PSG7: variants seen among roughly 807,000 people sequenced by gnomAD.
The protein encoded by PSG7 is pregnancy specific beta-1-glycoprotein 7.
A neutral mutation model predicts 45.6 loss-of-function variants in PSG7; 57 were observed. The ratio of observed to expected loss-of-function variants is 1.25; its 90% CI spans 1.01 to 1.56. The LOEUF is 1.56. PSG7 is among the 40% of genes most tolerant of loss of function. The pLI is 0.00. For synonymous variants in PSG7, 298 were observed against 194.4 expected, an observed-to-expected ratio of 1.53 and a Z score of -4.43; for missense variants, 796 against 508.4, an observed-to-expected ratio of 1.57 and a Z score of -5.44.
intron 2 of PSG7, among the ~76,000 whole-genome samples, chr19:42,933,436 T>C (rs903118832): frequency 6.8e-6 from 1 of 147,144 alleles, no homozygotes; most frequent in African/African-American, 2.5e-5. Context: ...CCTCACAAAG[T>C]GAAAGAGCCC....
intron 2 of PSG7, among the ~76,000 whole-genome samples, chr19:42,933,859 T>G (rs1230948390): frequency 6.6e-6 from 1 of 150,976 alleles, no homozygotes; most frequent in African/African-American, 2.4e-5. Flanking sequence ...AGCTTCAGAG[T>G]TACATGAGGT....
chr19:42,924,483 C>T lies in PSG7; in HGVS notation c.*325G>A. ...AATTCTAATGACTGCATTATCCTGC[C>T]AAGTGAAAGAGGCAGGCACAAGCAA... On this transcript the variant is annotated 3_prime_UTR_variant, in exon 6 of 6. Transcript: ENST00000406070. The T allele has an allele frequency of 1.8e-6, 1 of 557,476 alleles. No homozygotes were observed. The highest frequency in any genetic ancestry group is 3.2e-6 in the Non-Finnish European group (1 of 317,246). 34.5% of individuals were successfully genotyped at this position (557,476 alleles called of 1,614,324 possible).
Position 42,935,493 on chromosome 19 carries a change from TG to T in PSG7, c.340del (p.Gln114ArgfsTer12). ...TAAAGTGTAGGATCCTGTGTCTTCC[TG>T]GGTGACATTCTGGATCAGCAGGGAT... ...NASLLIQNVT[Q>X]EDTGSYTLHI... On this transcript the variant is annotated frameshift_variant, in exon 2 of 6. Coordinates refer to ENST00000406070, the MANE Select transcript of PSG7 (RefSeq NM_002783.3). LOFTEE classifies it high-confidence loss of function. The T allele has an allele frequency of 6.2e-7, 1 of 1,612,220 alleles. No homozygotes were observed. Among genetic ancestry groups the T allele is most frequent in the South Asian group, 1.1e-5 (1 of 90,800 alleles).
chr19:42,936,998 A>C lies in PSG7; in HGVS notation c.64+15T>G. ...CTTCCTTTTCCTGTCCTCTCCCAGG[A>C]AGTTCTCTCCTCACCTGTGAGCAGG... On this transcript the variant is annotated intron_variant, in intron 1 of 5. Transcript: ENST00000406070. The C allele has an allele frequency of 6.2e-7, 1 of 1,610,256 alleles. No individual in the cohort carries two copies. The highest frequency in any genetic ancestry group is 8.5e-7 in the Non-Finnish European group (1 of 1,177,694).
Position 42,925,812 on chromosome 19 carries a change from C to G in PSG7, c.1204G>C (p.Gly402Arg). ...GTCACGGATTTGGAGCTTTCCTTGC[C>G]AGTGGCTGAGTTACGAACAGAGCAA... ...YACSVRNSATGKESSKSVTVR... is the reference protein window; with the variant it reads ...YACSVRNSATRKESSKSVTVR... Residue 402 changes from glycine to arginine, a missense_variant, in exon 5 of 6, where the codon GGC (glycine) becomes CGC (arginine). By Grantham distance (125) the Gly-to-Arg change is moderately radical. Transcript: ENST00000406070. The G allele has an allele frequency of 6.2e-7, 1 of 1,612,052 alleles. No homozygotes were observed. The highest frequency in any genetic ancestry group is 8.5e-7 in the Non-Finnish European group (1 of 1,179,022).
At position 42,928,498 on chromosome 19, in the gene PSG7, CTTTT is replaced by C. The variant is rs773082213; in HGVS notation, c.709+940_709+943del. Among the ~76,000 whole-genome samples the C allele has an allele frequency of 2.0e-4, 31 of 151,452 alleles. 2 individuals carry two copies. Among genetic ancestry groups the C allele is most frequent in the Admixed American group, 1.1e-3 (17 of 15,170 alleles). ...AGTTTTCAGGGTATAATCATTTGACCTTTTTGGTTAAACTTATTCCAAAATATTT... is the reference window on the plus strand; with the variant it reads ...AGTTTTCAGGGTATAATCATTTGACCTGGTTAAACTTATTCCAAAATATTT... On this transcript the variant is annotated intron_variant, in intron 3 of 5. Transcript: ENST00000406070.
chr19:42,928,195 T>C (rs573197948), intron 3 of PSG7, among the ~76,000 whole-genome samples: 24 of 151,796 alleles, frequency 1.6e-4, no homozygotes, highest in African/African-American at 5.3e-4. Flanking sequence ...GATTGCTATT[T>C]TCTATGTCAT....
intron 2 of PSG7, among the ~76,000 whole-genome samples, chr19:42,931,840 C>T (rs866987633): frequency 2.6e-5 from 4 of 151,420 alleles, no homozygotes; most frequent in African/African-American, 9.7e-5. Flanking sequence ...TTAAAAATTG[C>T]TATTGTCAAA....
At chr19:42,932,202 T>A (rs1973035760) in intron 2 of PSG7, among the ~76,000 whole-genome samples, 1 of 151,362 alleles carries the variant, frequency 6.6e-6, no homozygotes, top group Admixed American at 6.6e-5. Context: ...TTTTTGTATT[T>A]TTAGTAGAGA....
At position 42,935,752 on chromosome 19, in the gene PSG7, A is replaced by G; in HGVS notation, c.82T>C (p.Trp28Arg). 1 of 1,610,698 alleles carries G rather than the reference A, an allele frequency of 6.2e-7. No individual in the cohort carries two copies. Among genetic ancestry groups the G allele is most frequent in the Non-Finnish European group, 8.5e-7 (1 of 1,178,556 alleles). ...LLLTASLLNFWNPPTTAQVTI... is the reference protein window; with the variant it reads ...LLLTASLLNFRNPPTTAQVTI... ...ACTTGGGCTGTGGTGGGCGGGTTCC[A>G]GAAGTTTAAAAGTGATGCTAGGAGG... Residue 28 changes from tryptophan (W) to arginine (R), a missense_variant, in exon 2 of 6, where the codon TGG becomes CGG. Transcript: ENST00000406070.
In PSG7 at chr19:42,924,739, C is replaced by T; in HGVS notation, c.*69G>A. ...TGTCCAACTCTGACTTATAGGGCTT[C>T]TGGAACAGAGTGGGTCTTGCTCTTT... On this transcript the variant is annotated 3_prime_UTR_variant, in exon 6 of 6. Coordinates refer to ENST00000406070, the MANE Select transcript of PSG7 (RefSeq NM_002783.3). The T allele has an allele frequency of 1.3e-6, 1 of 767,718 alleles. No individual in the cohort carries two copies. The allele number at this position is 767,718 out of a possible 1,614,324, so 47.6% of individuals were successfully genotyped here.
chr19:42,924,825 C>A lies in PSG7; in HGVS notation c.1244-1G>T, dbSNP rs986208856. The A allele has an allele frequency of 6.6e-6, 5 of 753,946 alleles. No homozygotes were observed. In the African/African-American group the frequency reaches 9.2e-5, roughly 14 times the overall value. The allele number at this position is 753,946 out of a possible 1,614,324, so 46.7% of individuals were successfully genotyped here. A position where few individuals can be genotyped will look rare whatever the true frequency, so the allele number is the denominator to read the frequency against. On this transcript the variant is annotated splice_acceptor_variant, in intron 5 of 5. Transcript: ENST00000406070. LOFTEE classifies it high-confidence loss of function. ...AGTAGAATTCAGGGTAATGTCCAGT[C>A]TACAGTGGATAATAAAAACACAGAA... is the stretch of plus-strand genomic sequence containing the variant.
intron 3 of PSG7, among the ~76,000 whole-genome samples, chr19:42,928,480 A>G (rs1223632649): frequency 6.6e-6 from 1 of 151,638 alleles, no homozygotes; most frequent in Non-Finnish European, 1.5e-5. Flanking sequence ...TGTAGTTTTC[A>G]GGGTATAATC....
chr19:42,935,803 G>A, intron 1 of PSG7, 34 bp from the exon 2 acceptor site: 1 of 1,583,972 alleles, frequency 6.3e-7, no homozygotes, highest in Non-Finnish European at 8.6e-7. Context: ...TCAATATTGA[G>A]ACCTATGTGT....
intron 2 of PSG7, among the ~76,000 whole-genome samples, chr19:42,934,663 A>G (rs969585797): frequency 9.2e-5 from 14 of 151,748 alleles, no homozygotes; most frequent in African/African-American, 3.4e-4. Context: ...CCTTTACGTC[A>G]GATCCCTGTG....
At chr19:42,926,890 G>C in intron 3 of PSG7, 174 bp from the exon 4 acceptor site, 1 of 1,237,188 alleles carries the variant, frequency 8.1e-7, no homozygotes, top group East Asian at 2.4e-5. Flanking sequence ...CTCAAAGACT[G>C]TGAGGCCACC....
chr19:42,924,649 T>C lies in PSG7; in HGVS notation c.*159A>G. ...CAGCTGTTGTTATGGTGTTGAACAT[T>C]TTGGTGAGTTCTGAGTGGCTCAGAC... On this transcript the variant is annotated 3_prime_UTR_variant, in exon 6 of 6. Coordinates refer to ENST00000406070, the MANE Select transcript of PSG7 (RefSeq NM_002783.3). The C allele has an allele frequency of 1.4e-6, 1 of 716,850 alleles. No individual in the cohort carries two copies. The highest frequency in any genetic ancestry group is 2.5e-6 in the Non-Finnish European group (1 of 396,380). 44.4% of individuals were successfully genotyped at this position (716,850 alleles called of 1,614,324 possible).
Position 42,924,724 on chromosome 19 carries a change from T to C in PSG7, c.*84A>G, listed in dbSNP as rs1972488393. ...AAATTTACATTGAGTTGTCCAACTCTGACTTATAGGGCTTCTGGAACAGAG... is the reference window on the plus strand; with the variant it reads ...AAATTTACATTGAGTTGTCCAACTCCGACTTATAGGGCTTCTGGAACAGAG... On this transcript the variant is annotated 3_prime_UTR_variant, in exon 6 of 6. Coordinates refer to ENST00000406070, the MANE Select transcript of PSG7 (RefSeq NM_002783.3). 3.9e-6 allele frequency: 3 copies of C among 767,052 alleles called. No homozygotes were observed. Among genetic ancestry groups the C allele is most frequent in the African/African-American group, 1.7e-5 (1 of 58,780 alleles). 47.5% of individuals were successfully genotyped at this position (767,052 alleles called of 1,614,324 possible). A position where few individuals can be genotyped will look rare whatever the true frequency, so the allele number is the denominator to read the frequency against.
intron 2 of PSG7, among the ~76,000 whole-genome samples, chr19:42,933,307 A>ATATATATTTTTTTT (rs56691588): frequency 3.7e-4 from 5 of 13,506 alleles, no homozygotes; most frequent in African/African-American, 5.2e-4. Flanking sequence ...ATATATATAT[A>ATATATATTTTTTTT]TTTTTTTTTT....
Sources: allele counts gnomAD v4.1 joint callset (sites outside exome capture counted in the v4.1 genomes callset), GRCh38; gene constraint gnomAD v4.1.1; transcripts MANE v1.5; gene names NCBI Gene and HGNC (gene_info 2026-07-23, HGNC 2026-07-21).